Variants in FAM174A observed in about 807,000 individuals in gnomAD.
The protein encoded by FAM174A is membrane protein FAM174A.
A neutral mutation model predicts 14.3 loss-of-function variants in FAM174A; 14 were observed. The observed-to-expected ratio is 0.98, with a 90% CI of 0.65 to 1.53. The LOEUF (loss-of-function observed/expected upper bound fraction) is 1.53, where lower values mean the gene tolerates loss of function less well. Among genes scored for constraint, FAM174A ranks in the 40% most tolerant of loss-of-function variants. The pLI, the probability that FAM174A is intolerant of heterozygous loss-of-function variation, is 0.00. For missense variants in FAM174A, 241 were observed against 249.6 expected, an observed-to-expected ratio of 0.97 and a Z score of 0.23; for synonymous variants, 108 against 111.4, an observed-to-expected ratio of 0.97 and a Z score of 0.19.
chr5:100,542,540 A>G (rs1233588286), intron 1 of FAM174A, among the ~76,000 whole-genome samples: 1 of 152,166 alleles, frequency 6.6e-6, no homozygotes, highest in East Asian at 1.9e-4. Context: ...TATTGTTTCT[A>G]ACTTTTCTCC....
At chr5:100,560,431 T>A (rs1042462973) in intron 1 of FAM174A, among the ~76,000 whole-genome samples, 2 of 152,130 alleles carry the variant, frequency 1.3e-5, no homozygotes, top group African/African-American at 4.8e-5. Context: ...ATTGGTTACA[T>A]TTGTAACTTT....
intron 1 of FAM174A, among the ~76,000 whole-genome samples, chr5:100,555,092 C>A (rs556222294): frequency 9.5e-4 from 144 of 151,678 alleles, no homozygotes; most frequent in African/African-American, 3.2e-3. Context: ...CCCCACCCCA[C>A]AACAGGCCCC....
intron 2 of FAM174A, among the ~76,000 whole-genome samples, chr5:100,568,320 C>G (rs1408762342): frequency 6.6e-6 from 1 of 151,870 alleles, no homozygotes; most frequent in Non-Finnish European, 1.5e-5. Flanking sequence ...ATGTTCTAGA[C>G]TCTTTTGGAT....
intron 1 of FAM174A, among the ~76,000 whole-genome samples, chr5:100,554,730 T>A (rs1746334365): frequency 6.6e-6 from 1 of 152,204 alleles, no homozygotes; most frequent in African/African-American, 2.4e-5. Flanking sequence ...CCAAATTCCT[T>A]CTTCTGATGT....
At chr5:100,544,512 G>T (rs943924936) in intron 1 of FAM174A, among the ~76,000 whole-genome samples, 1 of 152,078 alleles carries the variant, frequency 6.6e-6, no homozygotes, top group Admixed American at 6.6e-5. Flanking sequence ...GAATAAAAAA[G>T]AAATAATGTA....
intron 2 of FAM174A, among the ~76,000 whole-genome samples, chr5:100,581,860 A>G (rs1308983188): frequency 1.3e-5 from 2 of 152,188 alleles, no homozygotes; most frequent in African/African-American, 4.8e-5. Context: ...AATGTTGGGC[A>G]CAATGTAATA....
chr5:100,572,297 T>A (rs1373112619), intron 2 of FAM174A, among the ~76,000 whole-genome samples: 1 of 150,200 alleles, frequency 6.7e-6, no homozygotes, highest in African/African-American at 2.5e-5. Flanking sequence ...CATGTGCACA[T>A]TGTGCAGGTT....
intron 2 of FAM174A, among the ~76,000 whole-genome samples, chr5:100,575,278 T>G (rs1357468779): frequency 6.6e-6 from 1 of 151,960 alleles, no homozygotes; most frequent in Non-Finnish European, 1.5e-5. Context: ...ATACTTTGAG[T>G]TCTAGGGTAC....
chr5:100,574,124 G>A (rs974430690), intron 2 of FAM174A, among the ~76,000 whole-genome samples: 3 of 152,100 alleles, frequency 2.0e-5, no homozygotes, highest in African/African-American at 7.2e-5. Context: ...ATGTACCACT[G>A]AATTGGATTC....
intron 2 of FAM174A, among the ~76,000 whole-genome samples, chr5:100,568,972 C>T (rs989672657): frequency 6.6e-6 from 1 of 151,722 alleles, no homozygotes; most frequent in Non-Finnish European, 1.5e-5. Flanking sequence ...CACTAACATG[C>T]TTCCAAAAGT....
At chr5:100,570,418 T>A (rs939612803) in intron 2 of FAM174A, among the ~76,000 whole-genome samples, 4 of 151,940 alleles carry the variant, frequency 2.6e-5, no homozygotes. Flanking sequence ...TTTAAACTTT[T>A]CTTGTGTGAA....
chr5:100,546,340 C>T (rs1746163420), intron 1 of FAM174A, among the ~76,000 whole-genome samples: 1 of 152,086 alleles, frequency 6.6e-6, no homozygotes, highest in Non-Finnish European at 1.5e-5. Flanking sequence ...ATTGACCAGT[C>T]CTAGTCATGA....
At chr5:100,543,385 T>C (rs2112366091) in intron 1 of FAM174A, among the ~76,000 whole-genome samples, 2 of 152,332 alleles carry the variant, frequency 1.3e-5, no homozygotes, top group African/African-American at 4.8e-5. Context: ...CCTAAAGTGC[T>C]GGGATTACAG....
intron 2 of FAM174A, among the ~76,000 whole-genome samples, chr5:100,574,254 T>C (rs1269919253): frequency 6.6e-6 from 1 of 152,184 alleles, no homozygotes; most frequent in African/African-American, 2.4e-5. Context: ...AGTGGCACTA[T>C]CTCGGCTCAC....
intron 1 of FAM174A, among the ~76,000 whole-genome samples, chr5:100,550,259 A>G (rs1189083856): frequency 2.0e-5 from 3 of 152,238 alleles, no homozygotes; most frequent in South Asian, 4.1e-4. Context: ...ATATATTTAA[A>G]TATTCCAGTA....
chr5:100,548,197 A>G (rs1746198269), intron 1 of FAM174A, among the ~76,000 whole-genome samples: 1 of 152,110 alleles, frequency 6.6e-6, no homozygotes, highest in East Asian at 1.9e-4. Context: ...GTTTGAATCA[A>G]TTATTATGGC....
At chr5:100,576,640 G>A (rs1009294715) in intron 2 of FAM174A, among the ~76,000 whole-genome samples, 3 of 152,092 alleles carry the variant, frequency 2.0e-5, no homozygotes, top group African/African-American at 7.2e-5. Flanking sequence ...AGGTGGAATG[G>A]ATATTGAGTA....
At chr5:100,576,337 C>A (rs1746904371) in intron 2 of FAM174A, among the ~76,000 whole-genome samples, 1 of 151,976 alleles carries the variant, frequency 6.6e-6, no homozygotes, top group African/African-American at 2.4e-5. Flanking sequence ...TCTGTGATTC[C>A]CTTGGTTCCG....
At chr5:100,582,517 A>G (rs1747042458) in intron 2 of FAM174A, among the ~76,000 whole-genome samples, 1 of 151,816 alleles carries the variant, frequency 6.6e-6, no homozygotes, top group Admixed American at 6.6e-5. Flanking sequence ...TTTCATTACG[A>G]TGGCTCTTAC....
Sources: allele counts gnomAD v4.1 joint callset (sites outside exome capture counted in the v4.1 genomes callset), GRCh38; gene constraint gnomAD v4.1.1; transcripts MANE v1.5; gene names NCBI Gene and HGNC (gene_info 2026-07-23, HGNC 2026-07-21).